Variants in NEK7 observed in about 807,000 individuals in gnomAD.
NEK7 encodes serine/threonine-protein kinase Nek7.
In NEK7, 18 loss-of-function variants were observed where a neutral mutation model predicts 44.6. The observed-to-expected ratio is 0.40, with a 90% CI of 0.28 to 0.60. NEK7 has a LOEUF of 0.60. NEK7 is among the 20% of genes least tolerant of loss of function. The pLI is 0.38. For missense variants in NEK7, 256 were observed against 366.5 expected, an observed-to-expected ratio of 0.70 and a Z score of 2.46; for synonymous variants, 130 against 121.1, an observed-to-expected ratio of 1.07 and a Z score of -0.48.
intron 1 of NEK7, among the ~76,000 whole-genome samples, chr1:198,209,885 C>T (rs937244302): frequency 3.9e-5 from 6 of 152,012 alleles, no homozygotes; most frequent in Admixed American, 6.6e-5. Flanking sequence ...GGCGTGATCT[C>T]GACTTACTGC....
intron 2 of NEK7, among the ~76,000 whole-genome samples, chr1:198,252,259 A>G (rs558100729): frequency 5.3e-5 from 8 of 151,574 alleles, no homozygotes; most frequent in Middle Eastern, 3.4e-3. Context: ...ATAATTTCTG[A>G]TCTTTTACAT....
At chr1:198,220,029 G>T (rs964126331) in intron 1 of NEK7, among the ~76,000 whole-genome samples, 8 of 151,776 alleles carry the variant, frequency 5.3e-5, no homozygotes, top group African/African-American at 1.9e-4. Context: ...TTTCTGTGAT[G>T]ACTGGCAAAT....
At chr1:198,231,303 A>ATG in intron 1 of NEK7, among the ~76,000 whole-genome samples, 1 of 39,400 alleles carries the variant, frequency 2.5e-5, no homozygotes, top group Non-Finnish European at 5.7e-5. Context: ...GTGTGTGTGT[A>ATG]TATATATATA....
intron 1 of NEK7, among the ~76,000 whole-genome samples, chr1:198,226,971 A>T (rs1666246426): frequency 6.6e-6 from 1 of 151,978 alleles, no homozygotes; most frequent in Admixed American, 6.6e-5. Context: ...GCACCCATTA[A>T]CTTGTCATTT....
intron 8 of NEK7, among the ~76,000 whole-genome samples, chr1:198,296,730 A>G (rs867641855): frequency 3.3e-5 from 5 of 152,226 alleles, no homozygotes; most frequent in Admixed American, 6.5e-5. Context: ...TTTTAACTTC[A>G]GTTTCATGTT....
chr1:198,227,492 A>G (rs557207515), intron 1 of NEK7, among the ~76,000 whole-genome samples: 82 of 152,276 alleles, frequency 5.4e-4, no homozygotes, highest in African/African-American at 1.9e-3. Context: ...CCAACAGTGT[A>G]AAAGTGTTCC....
chr1:198,159,855 TA>T (rs1417170268), intron 1 of NEK7, among the ~76,000 whole-genome samples: 3 of 151,618 alleles, frequency 2.0e-5, no homozygotes, highest in African/African-American at 4.9e-5. Context: ...TTAATAAATT[TA>T]AAAAAAAATT....
At chr1:198,300,295 CGTCGTA>C (rs1654845811) in intron 9 of NEK7, among the ~76,000 whole-genome samples, 1 of 152,088 alleles carries the variant, frequency 6.6e-6, no homozygotes, top group South Asian at 2.1e-4. Flanking sequence ...TCAAAAGGCC[CGTCGTA>C]AACTGACCTG....
At chr1:198,250,254 C>G (rs1426682706) in intron 2 of NEK7, among the ~76,000 whole-genome samples, 115 of 143,144 alleles carry the variant, frequency 8.0e-4, no homozygotes, top group East Asian at 1.5e-3. Context: ...TGTTTTGGTA[C>G]CAGTACCATG....
intron 7 of NEK7, among the ~76,000 whole-genome samples, chr1:198,291,916 A>T (rs1434099449): frequency 6.6e-6 from 1 of 152,074 alleles, no homozygotes; most frequent in African/African-American, 2.4e-5. Flanking sequence ...ACCCCTATTC[A>T]GTCTTGTTAG....
chr1:198,308,329 T>A (rs938857383), intron 9 of NEK7, among the ~76,000 whole-genome samples: 15 of 152,172 alleles, frequency 9.9e-5, no homozygotes, highest in Admixed American at 9.2e-4. Flanking sequence ...AATTCAGTTA[T>A]CTCGATATGA....
intron 2 of NEK7, among the ~76,000 whole-genome samples, chr1:198,252,297 A>G (rs1378325460): frequency 2.0e-5 from 3 of 151,622 alleles, no homozygotes; most frequent in South Asian, 2.1e-4. Context: ...ACTTCCACCT[A>G]TGTGGTCAAT....
intron 9 of NEK7, among the ~76,000 whole-genome samples, chr1:198,318,717 T>C (rs973949291): frequency 6.6e-6 from 1 of 152,158 alleles, no homozygotes; most frequent in East Asian, 1.9e-4. Context: ...ACCCGATGGA[T>C]CGAGGACCAT....
intron 5 of NEK7, among the ~76,000 whole-genome samples, chr1:198,265,260 G>T (rs1411605545): frequency 6.6e-6 from 1 of 152,098 alleles, no homozygotes; most frequent in Non-Finnish European, 1.5e-5. Context: ...GGAAAAGAAA[G>T]TCTTCATTCA....
intron 9 of NEK7, among the ~76,000 whole-genome samples, chr1:198,303,002 T>G (rs891139244): frequency 6.6e-6 from 1 of 152,176 alleles, no homozygotes; most frequent in Non-Finnish European, 1.5e-5. Context: ...CTTAACCCTT[T>G]CACTCACCAT....
At chr1:198,223,367 G>A (rs1666123706) in intron 1 of NEK7, among the ~76,000 whole-genome samples, 1 of 152,174 alleles carries the variant, frequency 6.6e-6, no homozygotes, top group African/African-American at 2.4e-5. Context: ...ATACTGATGT[G>A]TTGGATGTAG....
rs1346738275 is a variant in NEK7, at chr1:198,197,840, A to G, written c.-28-34713A>G. The G allele has an allele frequency of 3.9e-5, 33 of 845,850 alleles. No individual in the cohort carries two copies. In the East Asian group the frequency reaches 8.2e-4, roughly 21 times the overall value. The allele number at this position is 845,850 out of a possible 1,614,324, so 52.4% of individuals were successfully genotyped here. ...CTTGCCATGCTCGTGGTGCTTGTGC[A>G]TCTTTTTGTGAGCTTTCTTCATTTT... On this transcript the variant is annotated intron_variant, in intron 1 of 9. Transcript: ENST00000367385.
intron 1 of NEK7, among the ~76,000 whole-genome samples, chr1:198,157,557 T>A (rs1663942038): frequency 6.6e-6 from 1 of 152,152 alleles, no homozygotes; most frequent in South Asian, 2.1e-4. Flanking sequence ...ACTAAGAAAC[T>A]CCGTGGCCAC....
In NEK7 at chr1:198,319,713, T is replaced by A. The variant is rs1036679157; in HGVS notation, c.*191T>A. On this transcript the variant is annotated 3_prime_UTR_variant, in exon 10 of 10. Transcript: ENST00000367385. ...ACCTCCTTGCAACCCCCAAATGACT[T>A]TGGAATAACTGAATTGCATGTTAGG... is the stretch of plus-strand genomic sequence containing the variant. The A allele has an allele frequency of 1.0e-5, 5 of 482,030 alleles. No homozygotes were observed. In the South Asian group the frequency reaches 2.7e-4, roughly 26 times the overall value. 29.9% of individuals were successfully genotyped at this position (482,030 alleles called of 1,614,324 possible).
Sources: gnomAD v4.1 joint callset for allele counts (sites outside exome capture counted in the v4.1 genomes callset) on GRCh38, gnomAD v4.1.1 for gene constraint, MANE v1.5 for transcripts, NCBI Gene and HGNC (gene_info 2026-07-23, HGNC 2026-07-21) for gene names.